Variants in NLRP11 observed in about 807,000 individuals in gnomAD.
The protein encoded by NLRP11 is NLR family pyrin domain containing 11.
In NLRP11, 53 loss-of-function variants were observed where a neutral mutation model predicts 79.3. The ratio of observed to expected loss-of-function variants is 0.67; its 90% CI spans 0.54 to 0.84. The LOEUF (loss-of-function observed/expected upper bound fraction) is 0.84, where lower values mean the gene tolerates loss of function less well. Ranked by LOEUF, NLRP11 falls within the 40% of genes least tolerant of loss-of-function variation. NLRP11 has a pLI of 0.00. For missense variants in NLRP11, 1,264 were observed against 1,255.0 expected, an observed-to-expected ratio of 1.01 and a Z score of -0.11; for synonymous variants, 518 against 462.6, an observed-to-expected ratio of 1.12 and a Z score of -1.54.
At chr19:55,789,466 T>G in intron 7 of NLRP11, 67 bp from the exon 8 acceptor site, 3 of 1,443,724 alleles carry the variant, frequency 2.1e-6, no homozygotes, top group Non-Finnish European at 2.8e-6. Context: ...CACAGAGTGT[T>G]AAGCATTCTT....
chr19:55,817,820 GAAA>G (rs10632108), intron 2 of NLRP11, 81 bp downstream of exon 2: 1,516 of 832,398 alleles, frequency 1.8e-3, no homozygotes, highest in Admixed American at 2.7e-3. Flanking sequence ...AACCTATTTA[GAAA>G]AAAAAAAAAA....
intron 7 of NLRP11, among the ~76,000 whole-genome samples, chr19:55,791,157 C>T (rs1990210787): frequency 6.6e-6 from 1 of 152,098 alleles, no homozygotes; most frequent in Non-Finnish European, 1.5e-5. Flanking sequence ...ATGACAGGGA[C>T]ATTATGGCCC....
chr19:55,786,793 TAATAG>T (rs1216910824), intron 9 of NLRP11, among the ~76,000 whole-genome samples: 3 of 152,170 alleles, frequency 2.0e-5, no homozygotes, highest in Non-Finnish European at 4.4e-5. Context: ...AGGAATTAGA[TAATAG>T]AATAAATACA....
Position 55,831,924 on chromosome 19 carries a change from AAAATCCAAACAAACAAATCGG to A in NLRP11, c.-63+18_-63+38del, listed in dbSNP as rs1982834274. The A allele has an allele frequency of 1.3e-5, 2 of 152,258 alleles. No homozygotes were observed. Among genetic ancestry groups the A allele is most frequent in the Admixed American group, 1.3e-4 (2 of 15,284 alleles). 9.4% of individuals were successfully genotyped at this position (152,258 alleles called of 1,614,324 possible). ...ATGTAACATAATAAAAAAAGACCTT[AAAATCCAAACAAACAAATCGG>A]CCAGAAAGGTAACTCACCAACCCTG... On this transcript the variant is annotated intron_variant, in intron 1 of 9. Coordinates refer to ENST00000589093, the Ensembl canonical transcript of NLRP11.
At chr19:55,821,648 A>C (rs1208248882) in intron 1 of NLRP11, among the ~76,000 whole-genome samples, 1 of 151,054 alleles carries the variant, frequency 6.6e-6, no homozygotes, top group African/African-American at 2.4e-5. Context: ...ACCCATTAAC[A>C]TTGTTAGTGA....
At chr19:55,810,804 G>A (rs754668832) in intron 2 of NLRP11, among the ~76,000 whole-genome samples, 1 of 152,078 alleles carries the variant, frequency 6.6e-6, no homozygotes, top group East Asian at 1.9e-4. Context: ...GGCCCATATT[G>A]CTTTAAAGGA....
intron 1 of NLRP11, among the ~76,000 whole-genome samples, chr19:55,820,638 C>T (rs1361774885): frequency 6.6e-6 from 1 of 152,124 alleles, no homozygotes; most frequent in Non-Finnish European, 1.5e-5. Flanking sequence ...CACAAACATG[C>T]TAAGAAATCT....
rs777872929 is a variant in NLRP11, at chr19:55,796,247, C to A, written c.2175G>T (p.Leu725Phe). Residue 725 changes from leucine (L) to phenylalanine (F), a missense_variant, in exon 6 of 10, where the codon TTG becomes TTT. By Grantham distance (22) the Leu-to-Phe change is conservative (BLOSUM62 0). Transcript: ENST00000589093. The stretch of plus-strand genomic sequence containing the variant: ...CGCTGGCTCGCAAATCACATTTCAT[C>A]AAGCTGTAAGAGGAATTCAGAAATG... 1.1e-5 allele frequency: 17 copies of A among 1,611,016 alleles called. No homozygotes were observed. Among genetic ancestry groups the A allele is most frequent in the Non-Finnish European group, 1.4e-5 (16 of 1,178,728 alleles).
chr19:55,801,547 A>G, intron 5 of NLRP11, 25 bp downstream of exon 5: 1 of 1,608,882 alleles, frequency 6.2e-7, no homozygotes, highest in Non-Finnish European at 8.5e-7. Flanking sequence ...ACATGCACTG[A>G]GCTTTCAGCC....
intron 6 of NLRP11, 131 bp downstream of exon 6, chr19:55,795,949 G>A: frequency 1.3e-6 from 1 of 760,350 alleles, no homozygotes; most frequent in Admixed American, 2.3e-5. Flanking sequence ...CAGACCTACT[G>A]AACTCCAAAG....
chr19:55,824,309 A>G (rs1982098464), intron 1 of NLRP11, among the ~76,000 whole-genome samples: 1 of 149,876 alleles, frequency 6.7e-6, no homozygotes, highest in Non-Finnish European at 1.5e-5. Flanking sequence ...CTGCAAAATC[A>G]TGCCAAAATG....
At chr19:55,821,578 A>G (rs1006115739) in intron 1 of NLRP11, among the ~76,000 whole-genome samples, 3 of 152,224 alleles carry the variant, frequency 2.0e-5, no homozygotes, top group African/African-American at 7.2e-5. Context: ...ACGTCCTCCT[A>G]AACTCACCAT....
chr19:55,808,354 A>T (rs985721719), intron 3 of NLRP11, among the ~76,000 whole-genome samples: 2 of 152,202 alleles, frequency 1.3e-5, no homozygotes, highest in Non-Finnish European at 2.9e-5. Context: ...TTTCTTTTTA[A>T]TCTATACAAC....
At chr19:55,798,076 C>T (rs923688731) in intron 5 of NLRP11, among the ~76,000 whole-genome samples, 1 of 151,380 alleles carries the variant, frequency 6.6e-6, no homozygotes, top group Non-Finnish European at 1.5e-5. Context: ...CTCGGCTCAC[C>T]GCAACCTCCG....
At position 55,809,554 on chromosome 19, in the gene NLRP11, C is replaced by T. The variant is rs771074350; in HGVS notation, c.1056G>A (p.Gln352=). 6.2e-7 allele frequency: 1 copy of T among 1,614,214 alleles called. No homozygotes were observed. The change falls in exon 3 of 10, where the codon CAG becomes CAA. Residue 352 remains glutamine (Q), a synonymous_variant. Transcript: ENST00000589093. This position sits in a 1 kb window ranked among gnomAD's most constrained non-coding sequence, Gnocchi z 4.5. ...GCTGGAAGTCACGCCCCTTGTCCAT[C>T]TGCCGCTTCAGGACAGTACACGTGA... is the stretch of plus-strand genomic sequence containing the variant.
chr19:55,801,554 A>C lies in NLRP11; in HGVS notation c.2171+18T>G. 1 of 1,612,060 alleles carries C rather than the reference A, an allele frequency of 6.2e-7. No homozygotes were observed. Among genetic ancestry groups the C allele is most frequent in the Non-Finnish European group, 8.5e-7 (1 of 1,178,296 alleles). On this transcript the variant is annotated intron_variant, in intron 5 of 9. Coordinates refer to ENST00000589093, the Ensembl canonical transcript of NLRP11. ...TTCCCCTCACATGCACTGAGCTTTCAGCCGAGCAACAACTCACCTCAGATG... is the reference window on the plus strand; with the variant it reads ...TTCCCCTCACATGCACTGAGCTTTCCGCCGAGCAACAACTCACCTCAGATG...
intron 1 of NLRP11, among the ~76,000 whole-genome samples, 157 bp from the exon 2 acceptor site, chr19:55,818,393 G>C (rs1981354272): frequency 6.6e-6 from 1 of 152,178 alleles, no homozygotes; most frequent in African/African-American, 2.4e-5. Flanking sequence ...CAATGGCCTT[G>C]TCGACTGATC....
Position 55,791,717 on chromosome 19 carries a change from G to A in NLRP11, c.2513+584C>T, listed in dbSNP as rs536430552. Among the ~76,000 whole-genome samples, 10 of 152,076 alleles carry A rather than the reference G, an allele frequency of 6.6e-5. No homozygotes were observed. In the South Asian group the frequency reaches 1.9e-3, roughly 28 times the overall value. ...AGAATCACTACTTCTGAGAAAATACGAGAAGTTTGATTATTCAGCATCATT... is the reference window on the plus strand; with the variant it reads ...AGAATCACTACTTCTGAGAAAATACAAGAAGTTTGATTATTCAGCATCATT... On this transcript the variant is annotated intron_variant, in intron 7 of 9. Coordinates refer to ENST00000589093, the Ensembl canonical transcript of NLRP11.
rs778463640 is a variant in NLRP11, at chr19:55,796,253, G to A, written c.2172-3C>T. 3.1e-5 allele frequency: 50 copies of A among 1,607,718 alleles called. No individual in the cohort carries two copies. Among genetic ancestry groups the A allele is most frequent in the Non-Finnish European group, 3.9e-5 (46 of 1,176,476 alleles). ...CTCGCAAATCACATTTCATCAAGCTGTAAGAGGAATTCAGAAATGAAAAGA... is the reference window on the plus strand; with the variant it reads ...CTCGCAAATCACATTTCATCAAGCTATAAGAGGAATTCAGAAATGAAAAGA... On this transcript the variant is annotated splice_region_variant and splice_polypyrimidine_tract_variant and intron_variant, in intron 5 of 9. Transcript: ENST00000589093.
Sources: gnomAD v4.1 joint callset for allele counts (sites outside exome capture counted in the v4.1 genomes callset) on GRCh38, gnomAD v4.1.1 for gene constraint, Gnocchi (gnomAD v3.1) non-coding constraint, MANE v1.5 for transcripts, NCBI Gene and HGNC (gene_info 2026-07-23, HGNC 2026-07-21) for gene names.